LRRC8C: variants seen among roughly 807,000 people sequenced by gnomAD.
The protein encoded by LRRC8C is volume-regulated anion channel subunit LRRC8C.
In LRRC8C, 20 loss-of-function variants were observed where a neutral mutation model predicts 55.3. That is an observed-to-expected ratio of 0.36 (90% CI 0.25 to 0.53). LRRC8C has a LOEUF of 0.53. Ranked by LOEUF, LRRC8C falls within the 20% of genes least tolerant of loss-of-function variation. The probability of loss-of-function intolerance (pLI) is 0.92; values close to 1 mark genes in which losing one functional copy is unlikely to be tolerated. For missense variants in LRRC8C, 659 were observed against 951.4 expected (o/e 0.69, Z 4.04); for synonymous variants, 376 against 360.7 (o/e 1.04, Z -0.48).
At chr1:89,705,411 C>T (rs1658451176) in intron 2 of LRRC8C, among the ~76,000 whole-genome samples, 1 of 150,822 alleles carries the variant, frequency 6.6e-6, no homozygotes, top group South Asian at 2.1e-4. Flanking sequence ...TACCCTAAAA[C>T]TTAAAGTATA....
At position 89,714,962 on chromosome 1, in the gene LRRC8C, G is replaced by T; in HGVS notation, c.2392G>T (p.Glu798Ter). The change falls in exon 3 of 3, where the codon GAG becomes TAG. Residue 798 changes from glutamate (E) to a stop codon, truncating the protein, a stop_gained. Transcript: ENST00000370454. LOFTEE classifies it high-confidence loss of function. The surrounding 1 kb of genome is among the most constrained non-coding windows in gnomAD (Gnocchi z 4.6). ...LFETLPSDVR[E>*]QMKTE ...TGAAACTCTGCCTTCTGACGTCCGG[G>T]AGCAAATGAAAACAGAATAACTTAT... 5 of 1,585,148 alleles carry T rather than the reference G, an allele frequency of 3.2e-6. No individual in the cohort carries two copies. Among genetic ancestry groups the T allele is most frequent in the Non-Finnish European group, 2.6e-6 (3 of 1,168,860 alleles).
chr1:89,713,842 T>C lies in LRRC8C; in HGVS notation c.1272T>C (p.Asn424=). Residue 424 remains asparagine, a synonymous_variant, in exon 3 of 3, where the codon AAT becomes AAC. Coordinates refer to ENST00000370454, the MANE Select transcript of LRRC8C (RefSeq NM_032270.5). The surrounding 1 kb of genome is among the most constrained non-coding windows in gnomAD (Gnocchi z 5.2). The part of the protein sequence containing the change: ...LRQKLQTNAH[N]RLELPLIMLS... ...AGAAGCTACAGACAAATGCCCATAA[T>C]CGACTGGAATTGCCTCTTATCATGC... The C allele has an allele frequency of 6.2e-7, 1 of 1,614,198 alleles. No homozygotes were observed. The highest frequency in any genetic ancestry group is 1.1e-5 in the South Asian group (1 of 91,084).
In LRRC8C at chr1:89,665,741, T is replaced by TA. The variant is rs749807806; in HGVS notation, c.-4-20728dup. Among the ~76,000 whole-genome samples, 18 of 152,278 alleles carry TA rather than the reference T, an allele frequency of 1.2e-4. No homozygotes were observed. The East Asian group carries it at 2.7e-3, about 23-fold the overall frequency. On this transcript the variant is annotated intron_variant, in intron 1 of 2. Coordinates refer to ENST00000370454, the MANE Select transcript of LRRC8C (RefSeq NM_032270.5). ...TAGTGTAGCCTAGGTGTACAGTGTT[T>TA]ATTATAAAGTCTACGGCAGTGCAAA...
rs113574444 is a variant in LRRC8C at position 89,688,493 on chromosome 1, A to G, written c.138+1882A>G. On this transcript the variant is annotated intron_variant, in intron 2 of 2. Coordinates refer to ENST00000370454, the MANE Select transcript of LRRC8C (RefSeq NM_032270.5). ...TCCTGCAGGTAAGATAGAAGCTGCA[A>G]TCTTCAAATAGGATGGCCTGGGAAG... is the stretch of plus-strand genomic sequence containing the variant. 5.7e-3 allele frequency among the ~76,000 whole-genome samples: 867 copies of G among 152,338 alleles called. 11 individuals are homozygous for G. The highest frequency in any genetic ancestry group is 0.02 in the African/African-American group (814 of 41,572).
intron 1 of LRRC8C, among the ~76,000 whole-genome samples, chr1:89,649,472 C>G (rs1318855053): frequency 6.6e-6 from 1 of 152,132 alleles, no homozygotes; most frequent in Non-Finnish European, 1.5e-5. Flanking sequence ...TAACTCCAAA[C>G]ATTCCTTCTG....
At chr1:89,633,377 C>A (rs1357110163) in intron 1 of LRRC8C, 55 bp downstream of exon 1, 1 of 152,440 alleles carries the variant, frequency 6.6e-6, no homozygotes, top group South Asian at 2.1e-4. Flanking sequence ...AGAGGGCCAC[C>A]CGCTCGGTCC....
Position 89,687,586 on chromosome 1 carries a change from A to C in LRRC8C, c.138+975A>C, listed in dbSNP as rs191968879. Among the ~76,000 whole-genome samples, 6 of 152,308 alleles carry C rather than the reference A, an allele frequency of 3.9e-5. No homozygotes were observed. In the East Asian group the frequency reaches 1.2e-3, roughly 29 times the overall value. Reference sequence around the variant, plus strand: ...AACATTAAAGAGTAAATGGAGAAGGAAGTGGGGCCCTTGAAGAAGACTGAG... The same window carrying C: ...AACATTAAAGAGTAAATGGAGAAGGCAGTGGGGCCCTTGAAGAAGACTGAG... On this transcript the variant is annotated intron_variant, in intron 2 of 2. Coordinates refer to ENST00000370454, the MANE Select transcript of LRRC8C (RefSeq NM_032270.5).
chr1:89,630,470 C>T (rs1656077821), upstream of LRRC8C, among the ~76,000 whole-genome samples: 5 of 152,182 alleles, frequency 3.3e-5, no homozygotes, highest in South Asian at 8.3e-4. Flanking sequence ...CTTGTAATTA[C>T]ACAGTCTTTA....
intron 1 of LRRC8C, among the ~76,000 whole-genome samples, chr1:89,636,137 ATAATGGGAT>A (rs1656275769): frequency 6.6e-6 from 1 of 152,220 alleles, no homozygotes; most frequent in Admixed American, 6.5e-5. Flanking sequence ...TTCCTCTTGT[ATAATGGGAT>A]TAATAAAGCC....
intron 2 of LRRC8C, among the ~76,000 whole-genome samples, chr1:89,705,962 C>T (rs1490626819): frequency 6.6e-6 from 1 of 152,072 alleles, no homozygotes; most frequent in African/African-American, 2.4e-5. Context: ...GAAGAATCAA[C>T]ATCATGTCAG....
chr1:89,678,699 TA>T (rs113109949), intron 1 of LRRC8C, among the ~76,000 whole-genome samples: 145 of 131,420 alleles, frequency 1.1e-3, no homozygotes, highest in Non-Finnish European at 1.1e-3. Context: ...AAATTCTGTC[TA>T]AAAAAAAAAA....
At chr1:89,661,059 T>A (rs895039441) in intron 1 of LRRC8C, among the ~76,000 whole-genome samples, 3 of 152,216 alleles carry the variant, frequency 2.0e-5, no homozygotes, top group Non-Finnish European at 4.4e-5. Context: ...TTTCCAAGTT[T>A]CAGTTATTTA....
intron 1 of LRRC8C, among the ~76,000 whole-genome samples, chr1:89,680,305 C>T (rs1409131471): frequency 3.9e-5 from 6 of 152,030 alleles, no homozygotes; most frequent in African/African-American, 1.4e-4. Flanking sequence ...TCTCGATCTC[C>T]TGACCTTGTG....
chr1:89,665,661 A>C (rs888027656), intron 1 of LRRC8C, among the ~76,000 whole-genome samples: 1 of 152,232 alleles, frequency 6.6e-6, no homozygotes, highest in Non-Finnish European at 1.5e-5. Flanking sequence ...AAAGCAAAAA[A>C]GTTGCAGTAA....
intron 1 of LRRC8C, among the ~76,000 whole-genome samples, chr1:89,649,035 GA>G (rs1446622795): frequency 6.6e-6 from 1 of 151,974 alleles, no homozygotes; most frequent in Non-Finnish European, 1.5e-5. Flanking sequence ...ATTCTTTTAT[GA>G]ACATTCATGT....
Position 89,714,888 on chromosome 1 carries a change from ACTGTCGGG to A in LRRC8C, c.2321_2328del (p.Cys774SerfsTer14), listed in dbSNP as rs771205441. 2 of 1,614,134 alleles carry A rather than the reference ACTGTCGGG, an allele frequency of 1.2e-6. No individual in the cohort carries two copies. Among genetic ancestry groups the A allele is most frequent in the Non-Finnish European group, 1.7e-6 (2 of 1,180,000 alleles). On this transcript the variant is annotated frameshift_variant, in exon 3 of 3. Transcript: ENST00000370454. LOFTEE classifies it high-confidence loss of function. The surrounding 1 kb of genome is among the most constrained non-coding windows in gnomAD (Gnocchi z 4.6). ...GAAATCCTCCCTCCTGAACTGGGTG[ACTGTCGGG>A]CTCTGAAGCGAGCTGGTTTAGTTGT...
At chr1:89,665,095 T>C (rs1310658486) in intron 1 of LRRC8C, among the ~76,000 whole-genome samples, 1 of 152,216 alleles carries the variant, frequency 6.6e-6, no homozygotes, top group Non-Finnish European at 1.5e-5. Context: ...TTTGACTTCC[T>C]CTCTTCCTAT....
At chr1:89,628,346 C>G (rs1173737036), upstream of LRRC8C, among the ~76,000 whole-genome samples, 3 of 152,042 alleles carry the variant, frequency 2.0e-5, no homozygotes, top group Non-Finnish European at 2.9e-5. Context: ...GACACAGGAG[C>G]CTTCAGAATG....
intron 1 of LRRC8C, among the ~76,000 whole-genome samples, chr1:89,678,476 G>C (rs1468012651): frequency 6.6e-6 from 1 of 152,190 alleles, no homozygotes; most frequent in African/African-American, 2.4e-5. Flanking sequence ...CAAGGCCGGT[G>C]GATCACCTGA....
Sources: allele counts gnomAD v4.1 joint callset (sites outside exome capture counted in the v4.1 genomes callset), GRCh38; gene constraint gnomAD v4.1.1; non-coding constraint Gnocchi (gnomAD v3.1); transcripts MANE v1.5; gene names NCBI Gene and HGNC (gene_info 2026-07-23, HGNC 2026-07-21).